Variants in BID observed in about 807,000 individuals in gnomAD.
BID encodes BH3-interacting domain death agonist.
Under a neutral mutation model 17.4 loss-of-function variants are expected in BID, and 19 were observed. The observed-to-expected ratio is 1.09, with a 90% confidence interval of 0.76 to 1.60. The LOEUF (loss-of-function observed/expected upper bound fraction) is 1.60, where lower values mean the gene tolerates loss of function less well. Among genes scored for constraint, BID ranks in the 40% most tolerant of loss-of-function variants. The pLI, the probability that BID is intolerant of heterozygous loss-of-function variation, is 0.00. For missense variants in BID, 226 were observed against 256.0 expected (o/e 0.88, Z 0.80); for synonymous variants, 108 against 102.8 (o/e 1.05, Z -0.31).
chr22:17,739,880 G>A (rs2061446584), intron 3 of BID: 1 of 636,994 alleles, frequency 1.6e-6, no homozygotes, highest in Non-Finnish European at 2.7e-6. Flanking sequence ...TCTGTGGGCA[G>A]ACGGCATCCC....
chr22:17,742,567 TG>T (rs2061468188), intron 3 of BID, among the ~76,000 whole-genome samples: 1 of 137,870 alleles, frequency 7.3e-6, no homozygotes, highest in South Asian at 2.4e-4. Context: ...GGCAGAAGGC[TG>T]GGTCAGCTGT....
At chr22:17,739,745 G>C (rs2061445361) in intron 3 of BID, 1 of 584,242 alleles carries the variant, frequency 1.7e-6, no homozygotes, top group Admixed American at 3.0e-5. Context: ...GTCCCCACAG[G>C]CAGGGCCGGT....
At chr22:17,745,273 A>G (rs1409255486) in intron 2 of BID, among the ~76,000 whole-genome samples, 1 of 151,336 alleles carries the variant, frequency 6.6e-6, no homozygotes, top group African/African-American at 2.4e-5. Context: ...CTGGTCTCGA[A>G]CTCCTGACCT....
chr22:17,736,332 C>T (rs2061419218), intron 5 of BID, among the ~76,000 whole-genome samples: 1 of 151,946 alleles, frequency 6.6e-6, no homozygotes, highest in African/African-American at 2.4e-5. Context: ...TGGTGTGTGC[C>T]TGTAATCCCA....
intron 1 of BID, among the ~76,000 whole-genome samples, chr22:17,752,674 T>TC (rs1259168423): frequency 1.2e-4 from 18 of 151,840 alleles, no homozygotes; most frequent in Non-Finnish European, 2.4e-4. Flanking sequence ...ATGGGACATT[T>TC]TTTTTTTTTG....
chr22:17,739,678 G>A (rs975425967), intron 3 of BID, 190 bp from the exon 4 acceptor site: 1 of 748,640 alleles, frequency 1.3e-6, no homozygotes, highest in Non-Finnish European at 2.1e-6. Flanking sequence ...TGGGTTCTGG[G>A]CAGTGCCGGA....
intron 1 of BID, among the ~76,000 whole-genome samples, chr22:17,763,698 C>CA (rs1013241342): frequency 6.7e-6 from 1 of 148,688 alleles, no homozygotes; most frequent in Non-Finnish European, 1.5e-5. Context: ...GCTTCCTCAA[C>CA]ATGAAAACAT....
chr22:17,742,525 G>A (rs553571913), intron 3 of BID, among the ~76,000 whole-genome samples: 25 of 98,628 alleles, frequency 2.5e-4, no homozygotes, highest in African/African-American at 9.1e-4. Context: ...CTCCAGCCAC[G>A]TCCTCAAGCA....
chr22:17,743,796 C>T lies in BID; in HGVS notation c.223+7G>A, dbSNP rs374324393. 44 of 1,606,920 alleles carry T rather than the reference C, an allele frequency of 2.7e-5. No homozygotes were observed. The highest frequency in any genetic ancestry group is 3.6e-5 in the Non-Finnish European group (42 of 1,176,988). ...CTTTGGGGAAGGAGGTGGGGCCGGCCGCCTACCTGCCTCTATTCTTCCCAA... is the reference window on the plus strand; with the variant it reads ...CTTTGGGGAAGGAGGTGGGGCCGGCTGCCTACCTGCCTCTATTCTTCCCAA... On this transcript the variant is annotated splice_region_variant and intron_variant, in intron 3 of 5. Transcript: ENST00000622694.
intron 1 of BID, among the ~76,000 whole-genome samples, chr22:17,772,605 G>T (rs992399458): frequency 1.3e-5 from 2 of 152,208 alleles, no homozygotes; most frequent in Non-Finnish European, 2.9e-5. Context: ...CTTCTGCCTG[G>T]AAGGCAGGCT....
intron 4 of BID, 65 bp downstream of exon 4, chr22:17,739,284 A>C: frequency 6.8e-7 from 1 of 1,471,004 alleles, no homozygotes; most frequent in East Asian, 2.5e-5. Context: ...CTGCCTGGTG[A>C]GAGGCAGGGG....
At chr22:17,767,196 C>A (rs1189529600) in intron 1 of BID, among the ~76,000 whole-genome samples, 8 of 149,178 alleles carry the variant, frequency 5.4e-5, no homozygotes, top group Non-Finnish European at 1.2e-4. Flanking sequence ...TGCACTCTAG[C>A]CTGTGTGACA....
intron 1 of BID, among the ~76,000 whole-genome samples, chr22:17,762,641 C>T (rs2061648576): frequency 6.6e-6 from 1 of 152,032 alleles, no homozygotes; most frequent in Non-Finnish European, 1.5e-5. Context: ...GCCTCAAACT[C>T]CTGGGCTCAA....
intron 1 of BID, among the ~76,000 whole-genome samples, chr22:17,761,291 T>C (rs2061636481): frequency 6.6e-6 from 1 of 152,206 alleles, no homozygotes; most frequent in Non-Finnish European, 1.5e-5. Context: ...TCACAAGTGA[T>C]GAACCTTTGT....
In BID at chr22:17,773,884, G is replaced by T; in HGVS notation, c.-59+497C>A. 1.6e-6 allele frequency: 1 copy of T among 621,188 alleles called. No homozygotes were observed. 38.5% of individuals were successfully genotyped at this position (621,188 alleles called of 1,614,324 possible). On this transcript the variant is annotated intron_variant, in intron 1 of 5. Transcript: ENST00000622694. This position sits in a 1 kb window ranked among gnomAD's most constrained non-coding sequence, Gnocchi z 4.4. ...CCCAGTAAGCGGCCGCTCTGACCGC[G>T]CTTTGTCAGCCCTGAGCTCCGCTCG...
At chr22:17,742,098 G>A (rs979703007) in intron 3 of BID, among the ~76,000 whole-genome samples, 2 of 152,152 alleles carry the variant, frequency 1.3e-5, no homozygotes, top group African/African-American at 2.4e-5. Context: ...CCGAGTGAAC[G>A]GACTCACCAA....
At chr22:17,746,086 T>C (rs1035335015) in intron 2 of BID, among the ~76,000 whole-genome samples, 1 of 152,152 alleles carries the variant, frequency 6.6e-6, no homozygotes, top group Non-Finnish European at 1.5e-5. Flanking sequence ...CGGATGGAGC[T>C]AGAGGCCATT....
At chr22:17,741,915 T>C (rs1490703783) in intron 3 of BID, among the ~76,000 whole-genome samples, 1 of 152,210 alleles carries the variant, frequency 6.6e-6, no homozygotes, top group African/African-American at 2.4e-5. Context: ...CCTGATTCCC[T>C]GCAGAGCAGA....
Position 17,735,041 on chromosome 22 carries a change from A to G in BID, c.*539T>C, listed in dbSNP as rs1288691565. 1 of 152,404 alleles carries G rather than the reference A, an allele frequency of 6.6e-6. No individual in the cohort carries two copies. Among genetic ancestry groups the G allele is most frequent in the African/African-American group, 2.4e-5 (1 of 41,446 alleles). 9.4% of individuals were successfully genotyped at this position (152,404 alleles called of 1,614,324 possible). The stretch of plus-strand genomic sequence containing the variant: ...CTCTGTGCCATGTGGTTTTTTAAAC[A>G]GGAAGATTGTTGGTTCCTTAGTATT... On this transcript the variant is annotated 3_prime_UTR_variant, in exon 6 of 6. Transcript: ENST00000622694.
Sources: allele counts gnomAD v4.1 joint callset (sites outside exome capture counted in the v4.1 genomes callset), GRCh38; gene constraint gnomAD v4.1.1; non-coding constraint Gnocchi (gnomAD v3.1); transcripts MANE v1.5; gene names NCBI Gene and HGNC (gene_info 2026-07-23, HGNC 2026-07-21).